Variants in EXOC6 observed in about 807,000 individuals in gnomAD.
The protein encoded by EXOC6 is SEC15-like 1.
A neutral mutation model predicts 112.5 loss-of-function variants in EXOC6; 60 were observed. The observed-to-expected ratio is 0.53, with a 90% confidence interval of 0.43 to 0.66. The LOEUF (loss-of-function observed/expected upper bound fraction) is 0.66. Among genes scored for constraint, EXOC6 ranks in the 30% least tolerant of loss-of-function variants. EXOC6 has a pLI of 0.00. For synonymous variants in EXOC6, 295 were observed against 308.0 expected, an observed-to-expected ratio of 0.96 and a Z score of 0.44; for missense variants, 855 against 957.1, an observed-to-expected ratio of 0.89 and a Z score of 1.41.
chr10:92,953,112 T>C (rs1853510786), intron 15 of EXOC6, among the ~76,000 whole-genome samples: 1 of 152,190 alleles, frequency 6.6e-6, no homozygotes, highest in South Asian at 2.1e-4. Context: ...AGGAACTCAC[T>C]CTGTTGCCCA....
intron 1 of EXOC6, among the ~76,000 whole-genome samples, chr10:92,889,339 G>T (rs1402195364): frequency 1.3e-5 from 2 of 151,914 alleles, no homozygotes; most frequent in Non-Finnish European, 2.9e-5. Context: ...AGTAGTTTTA[G>T]GTTTCTAGCA....
At chr10:92,831,751 A>G (rs1846490445), upstream of EXOC6, among the ~76,000 whole-genome samples, 1 of 152,132 alleles carries the variant, frequency 6.6e-6, no homozygotes, top group South Asian at 2.1e-4. Flanking sequence ...ATTTAAATTA[A>G]TATATTTTCT....
At chr10:92,863,174 CTTTAAAAGT>C (rs1847990359) in intron 1 of EXOC6, among the ~76,000 whole-genome samples, 1 of 152,190 alleles carries the variant, frequency 6.6e-6, no homozygotes, top group Non-Finnish European at 1.5e-5. Flanking sequence ...ATAACAGCTA[CTTTAAAAGT>C]TTGATCAATG....
chr10:93,020,561 T>C (rs1033046872), intron 20 of EXOC6, among the ~76,000 whole-genome samples: 1 of 152,184 alleles, frequency 6.6e-6, no homozygotes, highest in Non-Finnish European at 1.5e-5. Context: ...ACCTTACATA[T>C]AGAGGCCTAG....
At chr10:93,018,977 A>T (rs1320548910) in intron 20 of EXOC6, among the ~76,000 whole-genome samples, 1 of 152,100 alleles carries the variant, frequency 6.6e-6, no homozygotes, top group Admixed American at 6.5e-5. Context: ...TAAAAAGCTG[A>T]TACATTCATA....
chr10:92,877,225 T>C (rs959231690), intron 1 of EXOC6, among the ~76,000 whole-genome samples: 1 of 152,216 alleles, frequency 6.6e-6, no homozygotes, highest in African/African-American at 2.4e-5. Flanking sequence ...GCAATGAATG[T>C]ATTACTGACA....
At chr10:92,861,378 G>A (rs1428835823) in intron 1 of EXOC6, among the ~76,000 whole-genome samples, 4 of 152,134 alleles carry the variant, frequency 2.6e-5, no homozygotes, top group Non-Finnish European at 5.9e-5. Flanking sequence ...AGCCTCTCTC[G>A]TATGAGCAGG....
chr10:92,882,753 A>G lies in EXOC6; in HGVS notation c.102-10596A>G, dbSNP rs115781278. Reference sequence around the variant, plus strand: ...TCTTAAGTATATCTGGAGGCTACTGAAGAGAGTTGCGGTGTTTCAAGTCTC... The same window carrying G: ...TCTTAAGTATATCTGGAGGCTACTGGAGAGAGTTGCGGTGTTTCAAGTCTC... On this transcript the variant is annotated intron_variant, in intron 1 of 21. Coordinates refer to ENST00000260762, the MANE Select transcript of EXOC6 (RefSeq NM_019053.6). 2.9e-3 allele frequency among the ~76,000 whole-genome samples: 437 copies of G among 152,278 alleles called. 2 individuals are homozygous for G. The highest frequency in any genetic ancestry group is 0.01 in the African/African-American group (419 of 41,554).
At chr10:92,970,062 A>G (rs1276176457) in intron 17 of EXOC6, among the ~76,000 whole-genome samples, 1 of 151,918 alleles carries the variant, frequency 6.6e-6, no homozygotes, top group Admixed American at 6.6e-5. Context: ...TTTTCAAGAC[A>G]GGGGTGATTT....
At chr10:93,004,901 A>G (rs571300209) in intron 19 of EXOC6, among the ~76,000 whole-genome samples, 84 of 152,294 alleles carry the variant, frequency 5.5e-4, no homozygotes, top group African/African-American at 2.0e-3. Context: ...TGGAATTTGG[A>G]ATTGATAAAT....
chr10:92,980,218 T>A (rs1344354882), intron 18 of EXOC6, among the ~76,000 whole-genome samples: 1 of 152,162 alleles, frequency 6.6e-6, no homozygotes, highest in African/African-American at 2.4e-5. Context: ...AATACTTATA[T>A]TTGAACTTTA....
At chr10:92,889,748 TTTTC>T (rs1012788645) in intron 1 of EXOC6, among the ~76,000 whole-genome samples, 3 of 152,214 alleles carry the variant, frequency 2.0e-5, no homozygotes, top group African/African-American at 4.8e-5. Flanking sequence ...TTCTTTTTTT[TTTTC>T]TTTCTTTCTT....
At chr10:92,965,585 C>T (rs1030901116) in intron 17 of EXOC6, among the ~76,000 whole-genome samples, 1 of 151,954 alleles carries the variant, frequency 6.6e-6, no homozygotes, top group African/African-American at 2.4e-5. Flanking sequence ...GTAGAACTCC[C>T]GAAGAAGTTC....
intron 15 of EXOC6, 52 bp downstream of exon 15, chr10:92,952,434 A>AAT: frequency 9.0e-7 from 1 of 1,117,096 alleles, no homozygotes. Context: ...ATGAAACATT[A>AAT]ATACTTTATT....
intron 1 of EXOC6, among the ~76,000 whole-genome samples, chr10:92,838,222 T>A (rs925166818): frequency 9.2e-5 from 14 of 152,220 alleles, no homozygotes; most frequent in African/African-American, 3.4e-4. Context: ...GTCTCCTCTG[T>A]CTCAGACGTC....
Position 92,855,343 on chromosome 10 carries a change from T to C in EXOC6, c.101+6709T>C, listed in dbSNP as rs192959825. 3.2e-3 allele frequency among the ~76,000 whole-genome samples: 493 copies of C among 152,288 alleles called. 5 individuals carry two copies. Among genetic ancestry groups the C allele is most frequent in the African/African-American group, 0.011 (468 of 41,566 alleles). On this transcript the variant is annotated intron_variant, in intron 1 of 21. Transcript: ENST00000260762. ...TCCTGAGTATCTGAAACTACAGGCA[T>C]GTTCCACCATGCCCAGCTCTGTAAT...
At chr10:92,838,327 A>G (rs905365520) in intron 1 of EXOC6, among the ~76,000 whole-genome samples, 4 of 152,040 alleles carry the variant, frequency 2.6e-5, no homozygotes, top group African/African-American at 7.2e-5. Flanking sequence ...GACTTTATAC[A>G]TGGCTACTCC....
intron 20 of EXOC6, among the ~76,000 whole-genome samples, chr10:93,037,550 C>T (rs1199919089): frequency 6.6e-6 from 1 of 151,588 alleles, no homozygotes; most frequent in African/African-American, 2.4e-5. Flanking sequence ...AGCGATTCTC[C>T]TGCCTCAGCC....
Position 93,048,169 on chromosome 10 carries a change from C to T in EXOC6, c.2170-8755C>T, listed in dbSNP as rs139328864. Among the ~76,000 whole-genome samples, 34 of 151,870 alleles carry T rather than the reference C, an allele frequency of 2.2e-4. No homozygotes were observed. The East Asian group carries it at 4.4e-3, about 20-fold the overall frequency. On this transcript the variant is annotated intron_variant, in intron 20 of 21. Transcript: ENST00000260762. ...TAGGAGATATACCTAATGTAAATGA[C>T]GAGTTAATGGGTGCAGCACACCAAC... is the stretch of plus-strand genomic sequence containing the variant.
Sources: allele counts gnomAD v4.1 joint callset (sites outside exome capture counted in the v4.1 genomes callset), GRCh38; gene constraint gnomAD v4.1.1; transcripts MANE v1.5; gene names NCBI Gene and HGNC (gene_info 2026-07-23, HGNC 2026-07-21).